GSE1: variants seen among roughly 807,000 people sequenced by gnomAD.
The protein encoded by GSE1 is genetic suppressor element 1.
A neutral mutation model predicts 112.6 loss-of-function variants in GSE1; 32 were observed. The observed-to-expected ratio is 0.28, with a 90% CI of 0.21 to 0.38. The LOEUF is 0.38. Ranked by LOEUF, GSE1 falls within the 10% of genes least tolerant of loss-of-function variation. The probability of loss-of-function intolerance (pLI) is 1.00; values close to 1 mark genes in which losing one functional copy is unlikely to be tolerated. For synonymous variants in GSE1, 1,115 were observed against 735.6 expected (o/e 1.52, Z -8.35); for missense variants, 2,348 against 1,699.2 (o/e 1.38, Z -6.71).
At chr16:85,368,579 C>T (rs1353960753) in intron 2 of GSE1, among the ~76,000 whole-genome samples, 1 of 152,018 alleles carries the variant, frequency 6.6e-6, no homozygotes, top group Non-Finnish European at 1.5e-5. Context: ...GTGGTGCACA[C>T]CTGTAGTCCC....
chr16:85,181,889 C>G (rs532969019), intron 1 of GSE1, among the ~76,000 whole-genome samples: 1 of 152,318 alleles, frequency 6.6e-6, no homozygotes, highest in South Asian at 2.1e-4. Context: ...ACAGCTGCAG[C>G]GCCAGCTCTG....
At chr16:85,517,375 A>G (rs1328991336) in intron 2 of GSE1, among the ~76,000 whole-genome samples, 2 of 152,136 alleles carry the variant, frequency 1.3e-5, no homozygotes, top group Non-Finnish European at 2.9e-5. Context: ...GGGGCAATAG[A>G]GCTGCCAGTG....
intron 5 of GSE1, among the ~76,000 whole-genome samples, chr16:85,655,417 C>T (rs921665470): frequency 6.6e-6 from 1 of 152,214 alleles, no homozygotes; most frequent in Admixed American, 6.5e-5. Context: ...ATGGACCACC[C>T]CACGTCAGGG....
chr16:85,430,311 G>C (rs1358901823), intron 2 of GSE1, among the ~76,000 whole-genome samples: 1 of 152,190 alleles, frequency 6.6e-6, no homozygotes, highest in East Asian at 1.9e-4. Context: ...GAAGAACCGA[G>C]ATCAGCCATG....
intron 2 of GSE1, among the ~76,000 whole-genome samples, chr16:85,518,692 C>T (rs1262069745): frequency 1.3e-5 from 2 of 152,020 alleles, no homozygotes; most frequent in African/African-American, 2.4e-5. Flanking sequence ...ATGTGGTGTG[C>T]GGATGGCCTT....
intron 2 of GSE1, chr16:85,359,381 G>T (rs564972726): frequency 2.2e-4 from 102 of 456,046 alleles, no homozygotes; most frequent in African/African-American, 1.9e-3. Flanking sequence ...AGAGTCCTCC[G>T]GAGCAGAACA....
rs1391939847 is a variant in GSE1, at chr16:85,663,457, C to T, written c.2487C>T (p.Pro829=). The T allele has an allele frequency of 3.7e-6, 6 of 1,613,752 alleles. No individual in the cohort carries two copies. The East Asian group carries it at 6.7e-5, about 18-fold the overall frequency. ...RRMLRERSPS[P]PTIQSKRQTP... Reference sequence around the variant, plus strand: ...TGCTGCGAGAGAGAAGCCCGTCGCCCCCAACAATTCAGAGCAAGCGGCAGA... The same window carrying T: ...TGCTGCGAGAGAGAAGCCCGTCGCCTCCAACAATTCAGAGCAAGCGGCAGA... The change falls in exon 11 of 16, where the codon CCC becomes CCT. Residue 829 remains proline, a synonymous_variant. Transcript: ENST00000253458.
chr16:85,371,930 C>T (rs1470248018), intron 2 of GSE1, among the ~76,000 whole-genome samples: 1 of 152,178 alleles, frequency 6.6e-6, no homozygotes, highest in South Asian at 2.1e-4. Flanking sequence ...GGAGAGGAGC[C>T]AGGCAGCCCT....
At chr16:85,432,849 C>T (rs1461541330) in intron 2 of GSE1, among the ~76,000 whole-genome samples, 1 of 152,040 alleles carries the variant, frequency 6.6e-6, no homozygotes, top group African/African-American at 2.4e-5. Context: ...CTCGGTCTGT[C>T]TGGTTGGGGA....
chr16:85,334,332 C>A (rs2046437873), intron 1 of GSE1, among the ~76,000 whole-genome samples: 1 of 152,240 alleles, frequency 6.6e-6, no homozygotes, highest in South Asian at 2.1e-4. Context: ...TCATCCACGC[C>A]TCACAGCATT....
chr16:85,632,992 C>T (rs1022275987), intron 1 of GSE1, among the ~76,000 whole-genome samples: 3 of 149,402 alleles, frequency 2.0e-5, no homozygotes, highest in Admixed American at 6.7e-5. Context: ...CAGGTGGCTG[C>T]CCCTGGGCTC....
intron 2 of GSE1, among the ~76,000 whole-genome samples, chr16:85,390,688 C>T (rs1323362989): frequency 1.1e-5 from 1 of 94,286 alleles, no homozygotes; most frequent in South Asian, 4.1e-4. Context: ...TTGTCCCCCC[C>T]ACCGCCTTGT....
intron 2 of GSE1, among the ~76,000 whole-genome samples, chr16:85,387,020 T>A (rs2047702802): frequency 6.6e-6 from 1 of 152,128 alleles, no homozygotes; most frequent in Non-Finnish European, 1.5e-5. Context: ...CTCCCTGAGT[T>A]CTTGACAATT....
chr16:85,509,467 A>G (rs1427017084), intron 2 of GSE1, among the ~76,000 whole-genome samples: 2 of 152,244 alleles, frequency 1.3e-5, no homozygotes, highest in Non-Finnish European at 2.9e-5. Context: ...CCTCCCAGCC[A>G]GCTCCAGAGT....
chr16:85,244,272 G>A (rs1466116157), intron 1 of GSE1, among the ~76,000 whole-genome samples: 1 of 152,122 alleles, frequency 6.6e-6, no homozygotes, highest in Non-Finnish European at 1.5e-5. Flanking sequence ...GATGCCAGAG[G>A]CACTCACCTG....
intron 2 of GSE1, among the ~76,000 whole-genome samples, chr16:85,468,885 A>G (rs1014228123): frequency 6.6e-6 from 1 of 152,232 alleles, no homozygotes; most frequent in Non-Finnish European, 1.5e-5. Context: ...GAACCTCAGA[A>G]TGTGAACTTA....
At chr16:85,242,270 G>T (rs913095953) in intron 1 of GSE1, among the ~76,000 whole-genome samples, 2 of 152,100 alleles carry the variant, frequency 1.3e-5, no homozygotes, top group Non-Finnish European at 2.9e-5. Flanking sequence ...GCAAGCAGCC[G>T]CCCTCCTGCT....
chr16:85,309,923 C>T (rs1478761897), intron 1 of GSE1, among the ~76,000 whole-genome samples: 3 of 152,184 alleles, frequency 2.0e-5, no homozygotes, highest in Non-Finnish European at 4.4e-5. Flanking sequence ...AGCTCAGGAA[C>T]AGACATCCCT....
At chr16:85,231,061 G>A (rs540973300) in intron 1 of GSE1, among the ~76,000 whole-genome samples, 5 of 148,246 alleles carry the variant, frequency 3.4e-5, no homozygotes, top group African/African-American at 1.2e-4. Context: ...ATGATGGATG[G>A]ATAGCTGGAC....
Sources: allele counts gnomAD v4.1 joint callset (sites outside exome capture counted in the v4.1 genomes callset), GRCh38; gene constraint gnomAD v4.1.1; transcripts MANE v1.5; gene names NCBI Gene and HGNC (gene_info 2026-07-23, HGNC 2026-07-21).